Variants in TBL1X observed in about 807,000 individuals in gnomAD.
TBL1X encodes F-box-like/WD repeat-containing protein TBL1X.
A neutral mutation model predicts 50.7 loss-of-function variants in TBL1X; 10 were observed. The ratio of observed to expected loss-of-function variants is 0.20; its 90% CI spans 0.12 to 0.33. The LOEUF (loss-of-function observed/expected upper bound fraction) is 0.33, where lower values mean the gene tolerates loss of function less well. Ranked by LOEUF, TBL1X falls within the 10% of genes least tolerant of loss-of-function variation. TBL1X has a pLI of 1.00. For missense variants in TBL1X, 340 were observed against 504.4 expected (o/e 0.67, Z 3.12); for synonymous variants, 190 against 214.7 (o/e 0.88, Z 1.01).
At chrX:9,464,785 C>G (rs2081758358), upstream of TBL1X, among the ~76,000 whole-genome samples, 2 of 111,282 alleles carry the variant, frequency 1.8e-5, no homozygotes, top group Non-Finnish European at 3.8e-5. Context: ...CCTCACCCAC[C>G]CTAGGCGTGG....
chrX:9,518,716 T>C (rs972374808), intron 2 of TBL1X, among the ~76,000 whole-genome samples: 7 of 110,739 alleles, frequency 6.3e-5, no homozygotes, highest in African/African-American at 2.3e-4. Context: ...TTCATGGCCT[T>C]TTTCTGTATC....
chrX:9,692,609 T>C (rs2083105254), intron 9 of TBL1X, among the ~76,000 whole-genome samples: 2 of 112,420 alleles, frequency 1.8e-5, no homozygotes, highest in African/African-American at 6.5e-5. Context: ...GGTTTCACCA[T>C]GTCGGCCAGG....
chrX:9,613,217 G>A (rs1364197976), intron 2 of TBL1X, among the ~76,000 whole-genome samples: 1 of 110,976 alleles, frequency 9.0e-6, no homozygotes, highest in South Asian at 3.8e-4. Context: ...TACTTAAAGA[G>A]GAATCGTGTG....
intron 2 of TBL1X, among the ~76,000 whole-genome samples, chrX:9,505,738 C>T (rs1356107066): frequency 8.9e-6 from 1 of 112,288 alleles, no homozygotes; most frequent in African/African-American, 3.2e-5. Flanking sequence ...AACAATTCAA[C>T]AAGAAGAACT....
In TBL1X at chrX:9,708,099, CT is replaced by C. The variant is rs1468243413; in HGVS notation, c.1237-1148del. On this transcript the variant is annotated intron_variant, in intron 13 of 17. Transcript: ENST00000645353. The stretch of plus-strand genomic sequence containing the variant: ...GACATATGGGGCCCTATAGTCACCC[CT>C]GAGGGAGCCCCAAGCTGGTACGCCA... Among the ~76,000 whole-genome samples the C allele has an allele frequency of 1.9e-4, 21 of 112,026 alleles. No individual in the cohort carries two copies. In the Admixed American group the frequency reaches 1.9e-3, roughly 10 times the overall value.
chrX:9,645,803 GTA>G (rs2082801306), intron 3 of TBL1X, among the ~76,000 whole-genome samples: 1 of 111,929 alleles, frequency 8.9e-6, no homozygotes, highest in Non-Finnish European at 1.9e-5. Flanking sequence ...CTTTTCCTCT[GTA>G]TGTGTTTTCC....
chrX:9,518,112 A>G (rs766289900), intron 2 of TBL1X, among the ~76,000 whole-genome samples: 131 of 110,539 alleles, frequency 1.2e-3, no homozygotes, highest in Non-Finnish European at 1.6e-3. Context: ...AAAAAAAAAA[A>G]AAAAGAAAAG....
chrX:9,639,362 T>G (rs2082763597), intron 2 of TBL1X, among the ~76,000 whole-genome samples: 2 of 111,630 alleles, frequency 1.8e-5, no homozygotes, highest in South Asian at 7.4e-4. Context: ...TAAATAAGAA[T>G]TTAGAGAAAA....
At chrX:9,550,889 A>G (rs1306815424) in intron 2 of TBL1X, among the ~76,000 whole-genome samples, 3 of 110,524 alleles carry the variant, frequency 2.7e-5, no homozygotes, top group Admixed American at 1.9e-4. Flanking sequence ...TTTTGGGGAA[A>G]TGGGTGGTGC....
At chrX:9,598,836 G>A (rs761336272) in intron 2 of TBL1X, among the ~76,000 whole-genome samples, 1 of 111,224 alleles carries the variant, frequency 9.0e-6, no homozygotes, top group African/African-American at 3.3e-5. Flanking sequence ...TTGGCTTGTA[G>A]CTACATCACC....
chrX:9,640,019 T>G (rs1601810725), intron 2 of TBL1X: 1 of 112,324 alleles, frequency 8.9e-6, no homozygotes, highest in East Asian at 2.8e-4. Context: ...TTTTATCTAT[T>G]TTGAGACTCT....
intron 2 of TBL1X, among the ~76,000 whole-genome samples, chrX:9,576,751 C>T (rs1166618640): frequency 9.5e-6 from 1 of 104,802 alleles, no homozygotes; most frequent in African/African-American, 3.6e-5. Context: ...GTAATCCCAG[C>T]ACTTTGGGAG....
At chrX:9,632,899 A>G (rs1477761451) in intron 2 of TBL1X, among the ~76,000 whole-genome samples, 3 of 112,099 alleles carry the variant, frequency 2.7e-5, no homozygotes, top group Non-Finnish European at 3.8e-5. Flanking sequence ...TATAAAAGCT[A>G]TTACCACAAT....
Position 9,688,137 on chromosome X carries a change from A to G in TBL1X, c.478A>G (p.Ser160Gly). Residue 160 changes from serine to glycine, a missense_variant, in exon 7 of 18, where the codon AGT becomes GGT. By Grantham distance (56) the Ser-to-Gly change is moderately conservative (BLOSUM62 0). Around this residue, in one of 6 missense-constraint regions of TBL1X, gnomAD observed 99 missense variants for 93.3 expected, o/e 1.06. Coordinates refer to ENST00000645353, the MANE Select transcript of TBL1X (RefSeq NM_005647.4). ...AGAGAAGCTCGCTCAGCAGCAAGCCAGTGCGGCGGCGGCGGCGGCTGCGGC... is the reference window on the plus strand; with the variant it reads ...AGAGAAGCTCGCTCAGCAGCAAGCCGGTGCGGCGGCGGCGGCGGCTGCGGC... ...FREKLAQQQA[S>G]AAAAAAAATA... 3 of 1,205,506 alleles carry G rather than the reference A, an allele frequency of 2.5e-6. No individual in the cohort carries two copies. The highest frequency in any genetic ancestry group is 2.2e-5 in the Admixed American group (1 of 45,447).
chrX:9,495,208 CAG>C (rs757347312), intron 1 of TBL1X, among the ~76,000 whole-genome samples: 1 of 111,426 alleles, frequency 9.0e-6, no homozygotes, highest in South Asian at 3.8e-4. Flanking sequence ...GGGCTATGGG[CAG>C]AGAGTCTTCT....
intron 12 of TBL1X, among the ~76,000 whole-genome samples, chrX:9,698,053 C>T (rs2083143493): frequency 8.9e-6 from 1 of 111,878 alleles, no homozygotes; most frequent in African/African-American, 3.3e-5. Flanking sequence ...CACTGTATTC[C>T]AGCCTAGGTG....
intron 2 of TBL1X, among the ~76,000 whole-genome samples, chrX:9,531,702 C>T (rs184728655): frequency 2.8e-5 from 3 of 108,743 alleles, no homozygotes; most frequent in Admixed American, 9.8e-5. Flanking sequence ...TCCAGGAGTT[C>T]GAGACCAGCC....
intron 11 of TBL1X, among the ~76,000 whole-genome samples, chrX:9,694,143 G>A (rs767382218): frequency 4.5e-5 from 5 of 110,070 alleles, no homozygotes; most frequent in South Asian, 8.0e-4. Context: ...AGTCATGAGC[G>A]GAGACAGCCT....
rs1364487154 is a variant in TBL1X, at chrX:9,688,256, G to A, written c.597G>A (p.Glu199=). 1 of 1,190,201 alleles carries A rather than the reference G, an allele frequency of 8.4e-7. No individual in the cohort carries two copies. The highest frequency in any genetic ancestry group is 1.1e-6 in the Non-Finnish European group (1 of 883,197). The part of the protein sequence containing the change: ...KNREATVNGE[E]NRAHSVNNHA... ...GAGAGGCCACGGTGAATGGGGAAGA[G>A]AACAGAGCACATTCAGTCAGTGAGT... is the stretch of plus-strand genomic sequence containing the variant. Residue 199 remains glutamate, a synonymous_variant, in exon 7 of 18, where the codon GAG becomes GAA. Transcript: ENST00000645353.
Sources: gnomAD v4.1 joint callset for allele counts (sites outside exome capture counted in the v4.1 genomes callset) on GRCh38, gnomAD v4.1.1 for gene constraint, gnomAD v4.1.1 regional missense constraint, MANE v1.5 for transcripts, NCBI Gene and HGNC (gene_info 2026-07-23, HGNC 2026-07-21) for gene names.